Variants in NRXN3 observed in about 807,000 individuals in gnomAD.
NRXN3 encodes neurexin III.
A neutral mutation model predicts 137.6 loss-of-function variants in NRXN3; 32 were observed. The observed-to-expected ratio is 0.23, with a 90% CI of 0.18 to 0.31. The LOEUF (loss-of-function observed/expected upper bound fraction) is 0.31. NRXN3 is among the 10% of genes least tolerant of loss of function. NRXN3 has a pLI of 1.00. For missense variants in NRXN3, 1,574 were observed against 2,062.5 expected, an observed-to-expected ratio of 0.76 and a Z score of 4.59; for synonymous variants, 798 against 784.5, an observed-to-expected ratio of 1.02 and a Z score of -0.29.
At chr14:78,260,754 C>T (rs1193444244) in intron 2 of NRXN3, among the ~76,000 whole-genome samples, 2 of 152,188 alleles carry the variant, frequency 1.3e-5, no homozygotes, top group South Asian at 2.1e-4. Context: ...TATGAGGCCT[C>T]CCCAGCCATG....
chr14:79,059,433 A>G (rs896438407), intron 15 of NRXN3, among the ~76,000 whole-genome samples: 1 of 151,556 alleles, frequency 6.6e-6, no homozygotes, highest in Non-Finnish European at 1.5e-5. Flanking sequence ...AATTTTTTGT[A>G]TTTTTAGTAG....
At chr14:79,218,188 G>A (rs543390265) in intron 15 of NRXN3, among the ~76,000 whole-genome samples, 92 of 152,180 alleles carry the variant, frequency 6.0e-4, no homozygotes, top group African/African-American at 1.4e-3. Context: ...GTTTGCACCC[G>A]AAAGCGTTTG....
At chr14:78,709,871 A>G (rs569360132) in intron 7 of NRXN3, 2 of 555,934 alleles carry the variant, frequency 3.6e-6, no homozygotes, top group Non-Finnish European at 6.4e-6. Flanking sequence ...TCACTGCGCA[A>G]TTGTCTCAGT....
At chr14:79,780,435 C>T (rs2099110058) in intron 19 of NRXN3, among the ~76,000 whole-genome samples, 1 of 133,918 alleles carries the variant, frequency 7.5e-6, no homozygotes, top group Non-Finnish European at 1.7e-5. Context: ...CCGGTCTCTA[C>T]TAAAAATACA....
chr14:79,036,362 G>A lies in NRXN3; in HGVS notation c.3262+48221G>A, dbSNP rs768475094. Among the ~76,000 whole-genome samples, 48 of 151,992 alleles carry A rather than the reference G, an allele frequency of 3.2e-4. No individual in the cohort carries two copies. The Middle Eastern group carries it at 0.01, about 32-fold the overall frequency. Reference sequence around the variant, plus strand: ...GAAAAAAATATTCCACAAGTAAAACGAGAGTATGATAGATACTTCACCATG... The same window carrying A: ...GAAAAAAATATTCCACAAGTAAAACAAGAGTATGATAGATACTTCACCATG... On this transcript the variant is annotated intron_variant, in intron 15 of 20. Transcript: ENST00000335750.
chr14:78,191,924 G>A (rs2153376424), intron 1 of NRXN3, among the ~76,000 whole-genome samples: 1 of 152,200 alleles, frequency 6.6e-6, no homozygotes, highest in East Asian at 1.9e-4. Flanking sequence ...AGGGGGGGAG[G>A]GTGGTCTGTT....
chr14:79,774,067 G>A (rs2099088926), intron 19 of NRXN3, among the ~76,000 whole-genome samples: 1 of 152,164 alleles, frequency 6.6e-6, no homozygotes, highest in African/African-American at 2.4e-5. Context: ...GCAGGAATGT[G>A]TTCTAGAGGA....
At chr14:79,091,598 A>G (rs1011619290) in intron 15 of NRXN3, among the ~76,000 whole-genome samples, 1 of 152,046 alleles carries the variant, frequency 6.6e-6, no homozygotes, top group African/African-American at 2.4e-5. Context: ...AGCTTACATA[A>G]TCAGGGGCTT....
chr14:78,278,819 A>G (rs1012169523), intron 3 of NRXN3, among the ~76,000 whole-genome samples, 157 bp downstream of exon 3: 1 of 152,190 alleles, frequency 6.6e-6, no homozygotes, highest in African/African-American at 2.4e-5. Context: ...GAATTAATGG[A>G]TTTGTATTGG....
chr14:78,651,425 T>G lies in NRXN3; in HGVS notation c.1221+99T>G. On this transcript the variant is annotated intron_variant, in intron 6 of 20. Transcript: ENST00000335750. ...ATGACTGGATCTGTCCTCAAATCTA[T>G]GAGATGATAGATTGCAGCAGAAACA... is the stretch of plus-strand genomic sequence containing the variant. 3.8e-6 allele frequency: 5 copies of G among 1,324,080 alleles called. No individual in the cohort carries two copies. In the South Asian group the frequency reaches 7.0e-5, roughly 19 times the overall value. 82.0% of individuals were successfully genotyped at this position (1,324,080 alleles called of 1,614,324 possible).
At chr14:78,868,529 T>C (rs1036343803) in intron 10 of NRXN3, among the ~76,000 whole-genome samples, 47 of 152,088 alleles carry the variant, frequency 3.1e-4, no homozygotes, top group African/African-American at 1.1e-3. Flanking sequence ...ATATTTCTAC[T>C]TGAAACATAG....
At chr14:79,201,256 CAAAG>C (rs1349678473) in intron 15 of NRXN3, 2 of 152,022 alleles carry the variant, frequency 1.3e-5, no homozygotes, top group African/African-American at 4.8e-5. Flanking sequence ...TCTTTCAAAA[CAAAG>C]AAAACCGATG....
intron 4 of NRXN3, among the ~76,000 whole-genome samples, chr14:78,300,966 C>T (rs77530555): frequency 0.044 from 6,693 of 152,018 alleles, 447 homozygotes; most frequent in African/African-American, 0.15. Context: ...CTATCAGGAA[C>T]GGGGGAGGGT....
intron 11 of NRXN3, among the ~76,000 whole-genome samples, chr14:78,959,721 A>G (rs1382959037): frequency 6.6e-6 from 1 of 152,192 alleles, no homozygotes; most frequent in Non-Finnish European, 1.5e-5. Context: ...TGGTTACACT[A>G]TTTAGCGCCC....
intron 16 of NRXN3, among the ~76,000 whole-genome samples, chr14:79,537,991 G>C (rs1292383962): frequency 6.6e-6 from 1 of 152,086 alleles, no homozygotes; most frequent in Non-Finnish European, 1.5e-5. Context: ...ATTCTAACTG[G>C]TATGAGATGG....
chr14:79,355,168 A>G (rs1205155790), intron 15 of NRXN3, among the ~76,000 whole-genome samples: 4 of 152,120 alleles, frequency 2.6e-5, no homozygotes, highest in South Asian at 2.1e-4. Flanking sequence ...TAAGTCATCA[A>G]TAGTTAATGA....
At chr14:79,240,799 T>C (rs528707173) in intron 15 of NRXN3, among the ~76,000 whole-genome samples, 26 of 152,274 alleles carry the variant, frequency 1.7e-4, no homozygotes, top group African/African-American at 5.5e-4. Context: ...TTATTTGCAA[T>C]GCACAGAAAT....
chr14:79,855,011 A>G (rs2099399614), intron 20 of NRXN3, among the ~76,000 whole-genome samples: 1 of 152,086 alleles, frequency 6.6e-6, no homozygotes, highest in Admixed American at 6.5e-5. Flanking sequence ...GCACACACAC[A>G]TTCTCTCTCT....
At chr14:79,821,484 G>A (rs1357960562) in intron 20 of NRXN3, among the ~76,000 whole-genome samples, 1 of 152,092 alleles carries the variant, frequency 6.6e-6, no homozygotes, top group Non-Finnish European at 1.5e-5. Context: ...ACCCCATGAA[G>A]GTCAAACAAG....
Sources: gnomAD v4.1 joint callset for allele counts (sites outside exome capture counted in the v4.1 genomes callset) on GRCh38, gnomAD v4.1.1 for gene constraint, MANE v1.5 for transcripts, NCBI Gene and HGNC (gene_info 2026-07-23, HGNC 2026-07-21) for gene names.